Variants in MARCHF1 observed in about 807,000 individuals in gnomAD.
MARCHF1 encodes E3 ubiquitin-protein ligase MARCHF1.
In MARCHF1, 40 loss-of-function variants were observed where a neutral mutation model predicts 54.2. That is an observed-to-expected ratio of 0.74 (90% CI 0.57 to 0.96). The LOEUF (loss-of-function observed/expected upper bound fraction) is 0.96. MARCHF1 is among the 40% of genes least tolerant of loss of function. The probability of loss-of-function intolerance (pLI) is 0.00; values close to 1 mark genes in which losing one functional copy is unlikely to be tolerated. For missense variants in MARCHF1, 586 were observed against 656.5 expected, an observed-to-expected ratio of 0.89 and a Z score of 1.17; for synonymous variants, 236 against 236.3, an observed-to-expected ratio of 1.00 and a Z score of 0.01.
At chr4:164,061,007 C>A (rs1754604356) in intron 2 of MARCHF1, among the ~76,000 whole-genome samples, 1 of 152,074 alleles carries the variant, frequency 6.6e-6, no homozygotes, top group Non-Finnish European at 1.5e-5. Context: ...AATGGTTGTG[C>A]CATCACTTAG....
intron 4 of MARCHF1, among the ~76,000 whole-genome samples, chr4:163,778,507 C>T (rs184521734): frequency 2.0e-5 from 3 of 152,182 alleles, no homozygotes; most frequent in Admixed American, 2.0e-4. Context: ...TATACATTTG[C>T]TCTGGTAAGT....
At chr4:164,171,439 G>A (rs1730522973) in intron 1 of MARCHF1, among the ~76,000 whole-genome samples, 2 of 152,060 alleles carry the variant, frequency 1.3e-5, no homozygotes, top group Admixed American at 6.6e-5. Flanking sequence ...AAAGTGTATG[G>A]CTTGGTGCCA....
intron 3 of MARCHF1, among the ~76,000 whole-genome samples, chr4:163,910,067 T>C (rs1751157313): frequency 6.6e-6 from 1 of 151,240 alleles, no homozygotes; most frequent in African/African-American, 2.4e-5. Flanking sequence ...GGAGTTATTT[T>C]ACAATATTCG....
chr4:163,536,903 A>G (rs964915913), intron 9 of MARCHF1, among the ~76,000 whole-genome samples: 2 of 151,804 alleles, frequency 1.3e-5, no homozygotes. Flanking sequence ...CTCCCACAAA[A>G]CCCCTCCATT....
chr4:164,044,286 C>G (rs1754193073), intron 2 of MARCHF1, among the ~76,000 whole-genome samples: 1 of 152,140 alleles, frequency 6.6e-6, no homozygotes, highest in South Asian at 2.1e-4. Flanking sequence ...ATGGGTTTGA[C>G]TCACAGTTCC....
chr4:163,549,879 T>G (rs1330045849), intron 8 of MARCHF1, among the ~76,000 whole-genome samples: 1 of 152,232 alleles, frequency 6.6e-6, no homozygotes, highest in Non-Finnish European at 1.5e-5. Flanking sequence ...CTAATTCAAA[T>G]TACTTGCATT....
intron 1 of MARCHF1, among the ~76,000 whole-genome samples, chr4:164,163,643 T>A (rs2110950079): frequency 6.6e-6 from 1 of 152,010 alleles, no homozygotes; most frequent in African/African-American, 2.4e-5. Flanking sequence ...AAATCTAGAA[T>A]TAAAGTTAAG....
chr4:163,612,948 C>A lies in MARCHF1; in HGVS notation c.333G>T (p.Lys111Asn), dbSNP rs968009946. ...VLSPARKESG[K>N]KSVIQRPRRR... ...TCCTAGGTCTTTGTATTACTGATTT[C>A]TTACCAGACTCCTTCCTAGCAGGGC... is the stretch of plus-strand genomic sequence containing the variant. Residue 111 changes from lysine to asparagine, a missense_variant, in exon 7 of 10, where the codon AAG becomes AAT. By Grantham distance (94) the Lys-to-Asn change is moderately conservative. This residue lies in a region of MARCHF1 where 387 missense variants were observed against 394.6 expected (regional missense o/e 0.98). Transcript: ENST00000514618. The A allele has an allele frequency of 2.0e-6, 3 of 1,535,002 alleles. No homozygotes were observed. The highest frequency in any genetic ancestry group is 1.7e-4 in the Middle Eastern group (1 of 5,980).
intron 1 of MARCHF1, among the ~76,000 whole-genome samples, chr4:164,323,400 A>G (rs1386274248): frequency 6.6e-6 from 1 of 151,710 alleles, no homozygotes; most frequent in Non-Finnish European, 1.5e-5. Context: ...TATAATATTA[A>G]AGATTAATGC....
At chr4:163,888,572 A>G (rs1209184737) in intron 3 of MARCHF1, among the ~76,000 whole-genome samples, 3 of 152,176 alleles carry the variant, frequency 2.0e-5, no homozygotes, top group Non-Finnish European at 2.9e-5. Flanking sequence ...CATTTTGAGT[A>G]TTCTTGTTTG....
At chr4:164,190,576 G>A (rs1731098668) in intron 1 of MARCHF1, among the ~76,000 whole-genome samples, 1 of 146,758 alleles carries the variant, frequency 6.8e-6, no homozygotes, top group Non-Finnish European at 1.5e-5. Context: ...GGGTTAGGGT[G>A]TGTGTTCACC....
chr4:164,235,771 C>A (rs1473385758), intron 1 of MARCHF1, among the ~76,000 whole-genome samples: 11 of 151,792 alleles, frequency 7.2e-5, no homozygotes, highest in Admixed American at 1.3e-4. Context: ...ATAAAAAAAA[C>A]CAGTACACAT....
intron 4 of MARCHF1, among the ~76,000 whole-genome samples, chr4:163,852,562 T>C (rs527516448): frequency 6.6e-6 from 1 of 152,166 alleles, no homozygotes; most frequent in Non-Finnish European, 1.5e-5. Flanking sequence ...TGAGACGAGA[T>C]AATGCAGATG....
At chr4:164,193,393 G>A (rs1464288580) in intron 1 of MARCHF1, among the ~76,000 whole-genome samples, 1 of 151,770 alleles carries the variant, frequency 6.6e-6, no homozygotes, top group Non-Finnish European at 1.5e-5. Context: ...GTTGATTTGC[G>A]AGCTATGCTC....
At chr4:164,042,890 A>T (rs1754159183) in intron 2 of MARCHF1, among the ~76,000 whole-genome samples, 1 of 152,216 alleles carries the variant, frequency 6.6e-6, no homozygotes, top group South Asian at 2.1e-4. Context: ...TGCAAGTCCA[A>T]AACCCAGCAG....
chr4:163,901,970 C>T (rs757251587), intron 3 of MARCHF1, among the ~76,000 whole-genome samples: 7 of 152,114 alleles, frequency 4.6e-5, no homozygotes, highest in African/African-American at 1.2e-4. Context: ...CATTTAAGTA[C>T]GAAACTCTGC....
intron 3 of MARCHF1, among the ~76,000 whole-genome samples, chr4:163,883,108 C>T (rs753922538): frequency 8.1e-4 from 124 of 152,248 alleles, no homozygotes; most frequent in Non-Finnish European, 1.6e-3. Flanking sequence ...GCTTATGTCT[C>T]AGATGCACGG....
chr4:163,890,388 T>C (rs552592320), intron 3 of MARCHF1, among the ~76,000 whole-genome samples: 2 of 152,182 alleles, frequency 1.3e-5, no homozygotes, highest in Non-Finnish European at 2.9e-5. Context: ...CTCTGTTTTT[T>C]CTTCTTGTTT....
intron 5 of MARCHF1, among the ~76,000 whole-genome samples, chr4:163,627,996 G>GA (rs1741932336): frequency 6.6e-6 from 1 of 151,756 alleles, no homozygotes; most frequent in South Asian, 2.1e-4. Context: ...GAAAACACAG[G>GA]AAAAATCTTT....
Sources: allele counts gnomAD v4.1 joint callset (sites outside exome capture counted in the v4.1 genomes callset), GRCh38; gene constraint gnomAD v4.1.1; regional missense constraint gnomAD v4.1.1; transcripts MANE v1.5; gene names NCBI Gene and HGNC (gene_info 2026-07-23, HGNC 2026-07-21).